ZNF518A: variants seen among roughly 807,000 people sequenced by gnomAD.
ZNF518A encodes zinc finger protein 518.
A neutral mutation model predicts 102.7 loss-of-function variants in ZNF518A; 47 were observed. That is an observed-to-expected ratio of 0.46 (90% CI 0.36 to 0.58). The LOEUF is 0.58. ZNF518A is among the 20% of genes least tolerant of loss of function. The pLI is 0.00. For synonymous variants in ZNF518A, 652 were observed against 594.6 expected (o/e 1.10, Z -1.40); for missense variants, 1,793 against 1,699.8 (o/e 1.05, Z -0.96).
chr10:96,160,411 A>G lies in ZNF518A; in HGVS notation c.4089A>G (p.Val1363=). ...CAGATGCACCAGAAGTAGTAAGTGT[A>G]ATGAAAACTATTGCTAAATTTAATG... ...PDADAPEVVS[V]MKTIAKFNGH... The change falls in exon 6 of 6, where the codon GTA becomes GTG. Residue 1363 remains valine (V), a synonymous_variant. Transcript: ENST00000316045. 6.2e-7 allele frequency: 1 copy of G among 1,613,204 alleles called. No homozygotes were observed. Among genetic ancestry groups the G allele is most frequent in the Non-Finnish European group, 8.5e-7 (1 of 1,179,556 alleles).
At position 96,157,395 on chromosome 10, in the gene ZNF518A, C is replaced by A. The variant is rs377089326; in HGVS notation, c.1073C>A (p.Ser358Tyr). 2 of 1,612,132 alleles carry A rather than the reference C, an allele frequency of 1.2e-6. No individual in the cohort carries two copies. Among genetic ancestry groups the A allele is most frequent in the East Asian group, 2.2e-5 (1 of 44,842 alleles). ...LKKMNKTQTK[S>Y]EDQSHVVQEH... Reference sequence around the variant, plus strand: ...AAAATGAACAAAACACAGACTAAATCTGAAGACCAGAGCCATGTTGTTCAA... The same window carrying A: ...AAAATGAACAAAACACAGACTAAATATGAAGACCAGAGCCATGTTGTTCAA... Residue 358 changes from serine to tyrosine, a missense_variant, in exon 6 of 6, where the codon TCT (serine) becomes TAT (tyrosine). Physicochemically the swap from Ser to Tyr is moderately radical, Grantham distance 144 (BLOSUM62 -2). Transcript: ENST00000316045.
downstream of ZNF518A, among the ~76,000 whole-genome samples, chr10:96,167,237 GA>G (rs2083146908): frequency 6.6e-6 from 1 of 152,158 alleles, no homozygotes; most frequent in African/African-American, 2.4e-5. Context: ...GAGGTGGGTG[GA>G]TCACTTGAGG....
chr10:96,182,243 G>T (rs587766099), intron 1 of ZNF518A, among the ~76,000 whole-genome samples: 1 of 152,160 alleles, frequency 6.6e-6, no homozygotes, highest in African/African-American at 2.4e-5. Context: ...ATACAACGGG[G>T]TTTTCTAGAT....
At chr10:96,202,927 A>T (rs1446620779) in intron 1 of ZNF518A, among the ~76,000 whole-genome samples, 1 of 152,110 alleles carries the variant, frequency 6.6e-6, no homozygotes, top group East Asian at 1.9e-4. Context: ...GCCTTCTCAG[A>T]CCATCCTGTC....
Position 96,160,634 on chromosome 10 carries a change from A to C in ZNF518A, c.4312A>C (p.Lys1438Gln). ...AAGCAAAAACAATTACCAGATTGTG[A>C]AGACTACCTCTGAAAATATTTTGAA... ...KTSKNNYQIV[K>Q]TTSENILKAK... Residue 1438 changes from lysine to glutamine, a missense_variant, in exon 6 of 6, where the codon AAG becomes CAG. Physicochemically the swap from Lys to Gln is moderately conservative, Grantham distance 53. Transcript: ENST00000316045. 6.2e-7 allele frequency: 1 copy of C among 1,613,174 alleles called. No homozygotes were observed.
At chr10:96,189,589 T>C (rs1554892977) in intron 1 of ZNF518A, 2 of 686,892 alleles carry the variant, frequency 2.9e-6, no homozygotes, top group Non-Finnish European at 2.7e-6. Context: ...AATCTTGGTG[T>C]TGATGATGGG....
intron 3 of ZNF518A, among the ~76,000 whole-genome samples, chr10:96,145,540 CAT>C (rs1314127142): frequency 6.6e-6 from 1 of 152,200 alleles, no homozygotes; most frequent in Non-Finnish European, 1.5e-5. Flanking sequence ...AATTCAGTAA[CAT>C]AATTCATCAT....
intron 1 of ZNF518A, chr10:96,199,556 T>C (rs1487606871): frequency 2.2e-6 from 1 of 458,166 alleles, no homozygotes; most frequent in Non-Finnish European, 4.4e-6. Flanking sequence ...AAAGGACAAG[T>C]AGAAATGAGA....
chr10:96,187,700 G>GT (rs1359041412), intron 1 of ZNF518A, among the ~76,000 whole-genome samples: 4 of 152,144 alleles, frequency 2.6e-5, no homozygotes, highest in Non-Finnish European at 5.9e-5. Flanking sequence ...CTGGGGTGTG[G>GT]TTTTTTTCCT....
At chr10:96,170,658 CT>C (rs2083168018) in intron 1 of ZNF518A, among the ~76,000 whole-genome samples, 2 of 152,174 alleles carry the variant, frequency 1.3e-5, no homozygotes, top group Admixed American at 1.3e-4. Context: ...GTTTGCCAGA[CT>C]TTTAATTGCT....
chr10:96,166,089 C>A (rs1481303073), downstream of ZNF518A, among the ~76,000 whole-genome samples: 2 of 152,174 alleles, frequency 1.3e-5, no homozygotes, highest in Non-Finnish European at 2.9e-5. Flanking sequence ...GAAAATAAAG[C>A]TGTCTCAGCT....
intron 1 of ZNF518A, among the ~76,000 whole-genome samples, chr10:96,170,136 G>A (rs782775890): frequency 6.6e-6 from 1 of 152,198 alleles, no homozygotes; most frequent in Non-Finnish European, 1.5e-5. Flanking sequence ...GGGCATGAGT[G>A]TGACCTTCTA....
chr10:96,155,018 T>C (rs587689675), intron 3 of ZNF518A, among the ~76,000 whole-genome samples: 2 of 152,312 alleles, frequency 1.3e-5, no homozygotes, highest in Admixed American at 6.5e-5. Context: ...ATTTATACTA[T>C]GTTTTGTTTA....
At chr10:96,173,222 G>A (rs2083183585) in intron 1 of ZNF518A, among the ~76,000 whole-genome samples, 1 of 152,128 alleles carries the variant, frequency 6.6e-6, no homozygotes, top group Admixed American at 6.6e-5. Flanking sequence ...TGGAGGCTAA[G>A]AGACAACTGT....
At chr10:96,182,376 A>G (rs2083245358) in intron 1 of ZNF518A, among the ~76,000 whole-genome samples, 1 of 152,126 alleles carries the variant, frequency 6.6e-6, no homozygotes, top group South Asian at 2.1e-4. Context: ...GTTGAATAGG[A>G]GTGGTGAGAA....
intron 3 of ZNF518A, among the ~76,000 whole-genome samples, chr10:96,137,206 C>T (rs987268032): frequency 6.6e-6 from 1 of 152,154 alleles, no homozygotes; most frequent in African/African-American, 2.4e-5. Flanking sequence ...CACTAGATTC[C>T]GTCCGTTCTA....
At chr10:96,173,408 G>T (rs1365722624) in intron 1 of ZNF518A, among the ~76,000 whole-genome samples, 4 of 152,066 alleles carry the variant, frequency 2.6e-5, no homozygotes, top group Non-Finnish European at 5.9e-5. Context: ...ATATTAGTAG[G>T]TTGAAATTTT....
intron 2 of ZNF518A, among the ~76,000 whole-genome samples, chr10:96,133,336 A>C (rs1722944944): frequency 6.6e-6 from 1 of 152,160 alleles, no homozygotes; most frequent in Non-Finnish European, 1.5e-5. Flanking sequence ...TTATATTATG[A>C]CTAATAGCAT....
intron 3 of ZNF518A, among the ~76,000 whole-genome samples, chr10:96,153,420 A>G (rs1297088545): frequency 3.3e-5 from 5 of 152,234 alleles, no homozygotes; most frequent in African/African-American, 4.8e-5. Context: ...AAAATTAACC[A>G]TCACAGATTG....
Sources: allele counts gnomAD v4.1 joint callset (sites outside exome capture counted in the v4.1 genomes callset), GRCh38; gene constraint gnomAD v4.1.1; transcripts MANE v1.5; gene names NCBI Gene and HGNC (gene_info 2026-07-23, HGNC 2026-07-21).